The following EI24 variants were observed in gnomAD, a reference collection of about 807,000 sequenced individuals.
EI24 encodes the protein EI24 autophagy associated transmembrane protein.
Under a neutral mutation model 48.6 loss-of-function variants are expected in EI24, and 21 were observed. That is an observed-to-expected ratio of 0.43 (90% CI 0.31 to 0.62). The LOEUF is 0.62. EI24 is among the 20% of genes least tolerant of loss of function. The pLI, the probability that EI24 is intolerant of heterozygous loss-of-function variation, is 0.10. For synonymous variants in EI24, 114 were observed against 145.5 expected (o/e 0.78, Z 1.56); for missense variants, 280 against 410.5 (o/e 0.68, Z 2.75).
In EI24 at chr11:125,578,217, T is replaced by C; in HGVS notation, c.401T>C (p.Leu134Ser). 2 of 1,613,970 alleles carry C rather than the reference T, an allele frequency of 1.2e-6. No homozygotes were observed. Among genetic ancestry groups the C allele is most frequent in the Non-Finnish European group, 8.5e-7 (1 of 1,179,884 alleles). The change falls in exon 6 of 11, where the codon TTG becomes TCG. Residue 134 changes from leucine (L) to serine (S), a missense_variant. By Grantham distance (145) the Leu-to-Ser change is moderately radical (BLOSUM62 -2). Around this residue, in one of 3 missense-constraint regions of EI24, gnomAD observed 204 missense variants for 294.1 expected, o/e 0.69. Transcript: ENST00000278903. Reference protein sequence around the residue: ...SIFSALWVLPLFVLSKVVNAI... With the variant: ...SIFSALWVLPSFVLSKVVNAI... ...TTCAGTGCTCTTTGGGTGCTCCCCT[T>C]GTTTGTGCTTAGCAAAGTGGTGAAT... is the stretch of plus-strand genomic sequence containing the variant.
intron 5 of EI24, chr11:125,577,920 A>G (rs763719458): frequency 8.4e-5 from 52 of 618,764 alleles, no homozygotes; most frequent in Non-Finnish European, 1.1e-4. Flanking sequence ...TGTGTCAAGC[A>G]GCACATATCT....
At chr11:125,573,756 A>C (rs1391828078) in intron 2 of EI24, among the ~76,000 whole-genome samples, 1 of 129,926 alleles carries the variant, frequency 7.7e-6, no homozygotes, top group African/African-American at 3.0e-5. Context: ...ATCTCGGCTC[A>C]CTGCAACCTC....
At chr11:125,576,963 C>T (rs998045589) in intron 4 of EI24, among the ~76,000 whole-genome samples, 1 of 152,138 alleles carries the variant, frequency 6.6e-6, no homozygotes. Context: ...TGAAATGTTC[C>T]TGTATGCCCC....
chr11:125,581,222 C>T lies in EI24; in HGVS notation c.685C>T (p.His229Tyr). 6.2e-7 allele frequency: 1 copy of T among 1,610,204 alleles called. No individual in the cohort carries two copies. Among genetic ancestry groups the T allele is most frequent in the Non-Finnish European group, 8.5e-7 (1 of 1,177,536 alleles). The change falls in exon 9 of 11, where the codon CAC becomes TAC. Residue 229 changes from histidine to tyrosine, a missense_variant. His to Tyr is a moderately conservative substitution (Grantham distance 83). Around this residue, in one of 3 missense-constraint regions of EI24, gnomAD observed 204 missense variants for 294.1 expected, o/e 0.69. Transcript: ENST00000278903. The part of the protein sequence containing the change: ...YRWFNKGIEM[H>Y]QRLSNIERNW... ...CTTTCTTGTTTTAGGAATTGAAATG[C>T]ACCAGCGGTTGTCTAACATAGAAAG...
Position 125,583,708 on chromosome 11 carries a change from G to C in EI24, c.*25G>C. On this transcript the variant is annotated 3_prime_UTR_variant, in exon 11 of 11. Transcript: ENST00000278903. ...AGTTGCCTGCCATCCAAAGGGGATGGGCGGGATTGGAAGAAGCTGTGGCAG... is the reference window on the plus strand; with the variant it reads ...AGTTGCCTGCCATCCAAAGGGGATGCGCGGGATTGGAAGAAGCTGTGGCAG... The C allele has an allele frequency of 6.2e-7, 1 of 1,604,232 alleles. No homozygotes were observed. Among genetic ancestry groups the C allele is most frequent in the South Asian group, 1.1e-5 (1 of 89,306 alleles).
rs1278151566 is a variant in EI24, at chr11:125,569,491, G to GGCCCCGGCCCTGGAAGC, written c.-144_-128dup. ...CGGGCATGCCCAGTGCGGGCGCAGC[G>GGCCCCGGCCCTGGAAGC]GCCCCGGCCCTGGAAGCGCCCCGGC... On this transcript the variant is annotated 5_prime_UTR_variant, in exon 1 of 11. Coordinates refer to ENST00000278903, the MANE Select transcript of EI24 (RefSeq NM_004879.5). 1.5e-4 allele frequency: 58 copies of GGCCCCGGCCCTGGAAGC among 384,074 alleles called. No homozygotes were observed. Among genetic ancestry groups the GGCCCCGGCCCTGGAAGC allele is most frequent in the African/African-American group, 8.1e-4 (39 of 48,026 alleles). The allele number at this position is 384,074 out of a possible 1,614,324, so 23.8% of individuals were successfully genotyped here.
intron 5 of EI24, chr11:125,577,877 T>C: frequency 1.7e-6 from 1 of 582,436 alleles, no homozygotes; most frequent in Non-Finnish European, 3.0e-6. Flanking sequence ...TGGTAATCAC[T>C]GTGGCATCTC....
Position 125,583,840 on chromosome 11 carries a change from G to C in EI24, c.*157G>C. On this transcript the variant is annotated 3_prime_UTR_variant, in exon 11 of 11. Coordinates refer to ENST00000278903, the MANE Select transcript of EI24 (RefSeq NM_004879.5). ...TGAGGAATTGAAATTTTTGTCTCTG[G>C]TGCACGTAAGGCAGAATGTTCCCTG... 2 of 964,748 alleles carry C rather than the reference G, an allele frequency of 2.1e-6. No homozygotes were observed. The highest frequency in any genetic ancestry group is 3.1e-6 in the Non-Finnish European group (2 of 653,862). 59.8% of individuals were successfully genotyped at this position (964,748 alleles called of 1,614,324 possible). A position where few individuals can be genotyped will look rare whatever the true frequency, so the allele number is the denominator to read the frequency against.
Position 125,583,833 on chromosome 11 carries a change from GTC to G in EI24, c.*154_*155del, listed in dbSNP as rs2135879442. 4 of 1,091,868 alleles carry G rather than the reference GTC, an allele frequency of 3.7e-6. No homozygotes were observed. In the East Asian group the frequency reaches 1.0e-4, roughly 29 times the overall value. 67.6% of individuals were successfully genotyped at this position (1,091,868 alleles called of 1,614,324 possible). A position where few individuals can be genotyped will look rare whatever the true frequency, so the allele number is the denominator to read the frequency against. ...TTCTCTCTGAGGAATTGAAATTTTT[GTC>G]TCTGGTGCACGTAAGGCAGAATGTT... is the stretch of plus-strand genomic sequence containing the variant. On this transcript the variant is annotated 3_prime_UTR_variant, in exon 11 of 11. Transcript: ENST00000278903.
chr11:125,575,242 TAA>T lies in EI24; in HGVS notation c.43-20_43-19del. On this transcript the variant is annotated intron_variant, in intron 2 of 10. Transcript: ENST00000278903. ...ACCCTGTCTCAAATAATAATAATAATAATGATAGCCTTTTCTATAGGGAATCA... is the reference window on the plus strand; with the variant it reads ...ACCCTGTCTCAAATAATAATAATAATTGATAGCCTTTTCTATAGGGAATCA... 6.6e-7 allele frequency: 1 copy of T among 1,522,332 alleles called. No individual in the cohort carries two copies. Among genetic ancestry groups the T allele is most frequent in the Non-Finnish European group, 8.9e-7 (1 of 1,128,088 alleles). 94.3% of individuals were successfully genotyped at this position (1,522,332 alleles called of 1,614,324 possible). A position where few individuals can be genotyped will look rare whatever the true frequency, so the allele number is the denominator to read the frequency against.
intron 6 of EI24, among the ~76,000 whole-genome samples, 163 bp downstream of exon 6, chr11:125,578,420 G>A (rs1442113624): frequency 6.6e-6 from 1 of 150,924 alleles, no homozygotes; most frequent in Non-Finnish European, 1.5e-5. Context: ...CTTACAGAAT[G>A]GAATTATTGT....
At chr11:125,571,046 G>A (rs116802920) in intron 1 of EI24, among the ~76,000 whole-genome samples, 2 of 152,178 alleles carry the variant, frequency 1.3e-5, no homozygotes, top group Non-Finnish European at 2.9e-5. Context: ...AGGAGCAGAG[G>A]GTATATACAA....
rs760055034 is a variant in EI24, at chr11:125,578,963, G to A, written c.456G>A (p.Leu152=). ...CTCTGTTACAGGATATAGCTGACCT[G>A]GCATTTGAGGTATCAGGGAGGAAGC... ...NAIWFQDIAD[L]AFEVSGRKPH... The change falls in exon 7 of 11, where the codon CTG becomes CTA. Residue 152 remains leucine (L), a synonymous_variant. Transcript: ENST00000278903. 95 of 1,587,038 alleles carry A rather than the reference G, an allele frequency of 6.0e-5. No individual in the cohort carries two copies. The highest frequency in any genetic ancestry group is 7.4e-5 in the Non-Finnish European group (86 of 1,165,594).
At chr11:125,571,448 C>T (rs1277467853) in intron 1 of EI24, among the ~76,000 whole-genome samples, 1 of 152,154 alleles carries the variant, frequency 6.6e-6, no homozygotes, top group Admixed American at 6.5e-5. Flanking sequence ...TCCCATTCAC[C>T]TGAGAAATAA....
intron 9 of EI24, 103 bp downstream of exon 9, chr11:125,581,425 T>C: frequency 1.6e-6 from 1 of 642,940 alleles, no homozygotes; most frequent in Non-Finnish European, 2.6e-6. Context: ...ACATCATCAT[T>C]TGTCCATCAG....
chr11:125,575,442 A>C (rs779036200), intron 3 of EI24, 34 bp downstream of exon 3: 1 of 1,526,756 alleles, frequency 6.5e-7, no homozygotes, highest in Non-Finnish European at 8.9e-7. Flanking sequence ...AAAATGTCCA[A>C]GGGAGGGAAG....
At chr11:125,582,503 A>G in intron 10 of EI24, 83 bp downstream of exon 10, 1 of 1,079,378 alleles carries the variant, frequency 9.3e-7, no homozygotes, top group Non-Finnish European at 1.3e-6. Context: ...GCTTTTTAAA[A>G]AAAAAAATTC....
Position 125,578,138 on chromosome 11 carries a change from C to A in EI24, c.322C>A (p.Pro108Thr). The change falls in exon 6 of 11, where the codon CCA (proline) becomes ACA (threonine). Residue 108 changes from proline (P) to threonine (T), a missense_variant. By Grantham distance (38) the Pro-to-Thr change is conservative. Transcript: ENST00000278903. The stretch of plus-strand genomic sequence containing the variant: ...ACTCGTTTCCTCTTTCTTAGGTGAC[C>A]CATCACTACATGGAGATGTTTGGTC... ...QSVTARIIGD[P>T]SLHGDVWSWL... 6.2e-7 allele frequency: 1 copy of A among 1,613,154 alleles called. No individual in the cohort carries two copies. The highest frequency in any genetic ancestry group is 8.5e-7 in the Non-Finnish European group (1 of 1,179,878).
chr11:125,579,821 C>T (rs1938916789), intron 7 of EI24, among the ~76,000 whole-genome samples: 1 of 152,072 alleles, frequency 6.6e-6, no homozygotes, highest in Non-Finnish European at 1.5e-5. Context: ...CACATGCCAT[C>T]ATGCTCATTT....
Sources: allele counts gnomAD v4.1 joint callset (sites outside exome capture counted in the v4.1 genomes callset), GRCh38; gene constraint gnomAD v4.1.1; regional missense constraint gnomAD v4.1.1; transcripts MANE v1.5; gene names NCBI Gene and HGNC (gene_info 2026-07-23, HGNC 2026-07-21).